PLEKHA2: variants seen among roughly 807,000 people sequenced by gnomAD.
PLEKHA2 encodes the protein pleckstrin homology domain-containing family A member 2.
In PLEKHA2, 28 loss-of-function variants were observed where a neutral mutation model predicts 53.2. The observed-to-expected ratio is 0.53, with a 90% confidence interval of 0.39 to 0.72. The LOEUF is 0.72. PLEKHA2 is among the 30% of genes least tolerant of loss of function. The pLI is 0.00. For synonymous variants in PLEKHA2, 193 were observed against 196.4 expected, an observed-to-expected ratio of 0.98 and a Z score of 0.14; for missense variants, 426 against 537.9, an observed-to-expected ratio of 0.79 and a Z score of 2.06.
At position 38,969,507 on chromosome 8, in the gene PLEKHA2, G is replaced by A. The variant is rs373488981; in HGVS notation, c.1002G>A (p.Gly334=). The change falls in exon 12 of 12, where the codon GGG becomes GGA. Residue 334 remains glycine (G), a synonymous_variant. Transcript: ENST00000617275. ...SSGPNSILCR[G]RPPLEEKKAL... Reference sequence around the variant, plus strand: ...GGCCCAACTCTATCCTGTGCAGGGGGCGGCCACCTTTGGAGGAAAAGAAAG... The same window carrying A: ...GGCCCAACTCTATCCTGTGCAGGGGACGGCCACCTTTGGAGGAAAAGAAAG... 5.6e-6 allele frequency: 9 copies of A among 1,613,654 alleles called. No homozygotes were observed. Among genetic ancestry groups the A allele is most frequent in the Middle Eastern group, 1.6e-4 (1 of 6,082 alleles).
intron 5 of PLEKHA2, chr8:38,950,572 C>T (rs1564143729): frequency 6.2e-6 from 2 of 320,674 alleles, no homozygotes; most frequent in Non-Finnish European, 1.1e-5. Context: ...GTGTGTTTCG[C>T]TTGACACTTT....
intron 10 of PLEKHA2, among the ~76,000 whole-genome samples, chr8:38,968,201 C>T (rs936047455): frequency 7.2e-5 from 11 of 152,086 alleles, no homozygotes; most frequent in African/African-American, 2.4e-4. Context: ...GAGGAGAACT[C>T]GAATCTCTAC....
Position 38,955,645 on chromosome 8 carries a change from T to C in PLEKHA2, c.774-1678T>C, listed in dbSNP as rs1407933306. Among the ~76,000 whole-genome samples the C allele has an allele frequency of 2.6e-5, 4 of 152,192 alleles. No homozygotes were observed. The South Asian group carries it at 6.2e-4, about 24-fold the overall frequency. On this transcript the variant is annotated intron_variant, in intron 9 of 11. Coordinates refer to ENST00000617275, the MANE Select transcript of PLEKHA2 (RefSeq NM_021623.2). Reference sequence around the variant, plus strand: ...CTATCCTGTTGTTCTTGCTCATGGATCTCTGGTCTCATGCACTCCTTTGCC... The same window carrying C: ...CTATCCTGTTGTTCTTGCTCATGGACCTCTGGTCTCATGCACTCCTTTGCC...
chr8:38,960,389 G>A (rs1458969666), intron 10 of PLEKHA2, among the ~76,000 whole-genome samples: 2 of 152,178 alleles, frequency 1.3e-5, no homozygotes, highest in African/African-American at 4.8e-5. Flanking sequence ...TGAGGCAGGA[G>A]GAGAGTTTGA....
At chr8:38,944,673 C>T (rs558334029) in intron 4 of PLEKHA2, among the ~76,000 whole-genome samples, 17 of 151,974 alleles carry the variant, frequency 1.1e-4, no homozygotes, top group East Asian at 7.7e-4. Context: ...CATGAGAAAC[C>T]GCCCCCACGA....
At chr8:38,902,220 T>G (rs28591164) in intron 1 of PLEKHA2, among the ~76,000 whole-genome samples, 59,268 of 96,272 alleles carry the variant, frequency 0.62, 15,276 homozygotes, top group Admixed American at 0.69. Context: ...AAGAAGGGTG[T>G]GGGGGGGGGT....
At chr8:38,966,586 C>T (rs1835140152) in intron 10 of PLEKHA2, among the ~76,000 whole-genome samples, 6 of 152,208 alleles carry the variant, frequency 3.9e-5, no homozygotes, top group Admixed American at 3.9e-4. Flanking sequence ...AGGGCACTGA[C>T]AGGCTCCACC....
rs370649071 is a variant in PLEKHA2 at position 38,957,256 on chromosome 8, T to C, written c.774-67T>C. The C allele has an allele frequency of 1.9e-3, 2,504 of 1,320,744 alleles. 39 individuals carry two copies. In the African/African-American group the frequency reaches 0.032, roughly 17 times the overall value. The allele number at this position is 1,320,744 out of a possible 1,614,324, so 81.8% of individuals were successfully genotyped here. Reference sequence around the variant, plus strand: ...TTTATGGTAGAGGGCACTGGGGTCTTAGGACATATCGAGTCCTCTCTGAGT... The same window carrying C: ...TTTATGGTAGAGGGCACTGGGGTCTCAGGACATATCGAGTCCTCTCTGAGT... On this transcript the variant is annotated intron_variant, in intron 9 of 11. Transcript: ENST00000617275.
At chr8:38,962,231 C>CTA (rs1206829454) in intron 10 of PLEKHA2, among the ~76,000 whole-genome samples, 1 of 152,050 alleles carries the variant, frequency 6.6e-6, no homozygotes. Context: ...GCTCACACCT[C>CTA]TAATCCCAGC....
At chr8:38,935,966 C>G (rs1299414076) in intron 2 of PLEKHA2, 28 bp from the exon 3 acceptor site, 2 of 1,610,922 alleles carry the variant, frequency 1.2e-6, no homozygotes, top group African/African-American at 2.7e-5. Flanking sequence ...CCACAGCCTT[C>G]TTAAAATGAA....
chr8:38,969,842 G>A lies in PLEKHA2; in HGVS notation c.*59G>A, dbSNP rs183424418. The stretch of plus-strand genomic sequence containing the variant: ...GGAGGACTTGAGAGAAGGAGGCTGT[G>A]ACTCAGTTTCTCTACCTTGTTGGAG... On this transcript the variant is annotated 3_prime_UTR_variant, in exon 12 of 12. Coordinates refer to ENST00000617275, the MANE Select transcript of PLEKHA2 (RefSeq NM_021623.2). The A allele has an allele frequency of 3.3e-5, 51 of 1,536,610 alleles. No individual in the cohort carries two copies. In the Admixed American group the frequency reaches 1.1e-3, roughly 33 times the overall value.
chr8:38,903,229 A>G (rs980841824), intron 1 of PLEKHA2, among the ~76,000 whole-genome samples: 5 of 152,196 alleles, frequency 3.3e-5, no homozygotes, highest in Non-Finnish European at 5.9e-5. Flanking sequence ...CTGTTTGTAC[A>G]TTACAGCATG....
intron 2 of PLEKHA2, among the ~76,000 whole-genome samples, chr8:38,926,891 G>A (rs1457799704): frequency 6.6e-6 from 1 of 152,062 alleles, no homozygotes; most frequent in Non-Finnish European, 1.5e-5. Context: ...CTCTAGCCTG[G>A]GTAACAAGAG....
intron 5 of PLEKHA2, 133 bp downstream of exon 5, chr8:38,946,354 C>G: frequency 1.4e-6 from 1 of 694,074 alleles, no homozygotes; most frequent in East Asian, 2.8e-5. Flanking sequence ...CCAGTTCTCT[C>G]CCACCTCGTC....
chr8:38,950,561 C>T (rs72638521), intron 5 of PLEKHA2: 60,380 of 284,352 alleles, frequency 0.21, 7,102 homozygotes, highest in African/African-American at 0.23. Context: ...TGGGGACCCA[C>T]GTGTGTTTCG....
chr8:38,902,379 T>C (rs1445048531), intron 1 of PLEKHA2, among the ~76,000 whole-genome samples: 2 of 152,120 alleles, frequency 1.3e-5, no homozygotes, highest in Non-Finnish European at 1.5e-5. Context: ...GCTTCCTTCC[T>C]TCTTGGTGAA....
chr8:38,907,743 A>G (rs1351092767), intron 1 of PLEKHA2, among the ~76,000 whole-genome samples: 1 of 141,154 alleles, frequency 7.1e-6, no homozygotes, highest in Non-Finnish European at 1.5e-5. Flanking sequence ...ACTGGGAGAC[A>G]GAGTGAGACC....
At chr8:38,930,605 T>G (rs1430607195) in intron 2 of PLEKHA2, among the ~76,000 whole-genome samples, 1 of 152,218 alleles carries the variant, frequency 6.6e-6, no homozygotes, top group African/African-American at 2.4e-5. Context: ...ACTTGTAGAC[T>G]TCCTCTCGTG....
Position 38,918,071 on chromosome 8 carries a change from G to A in PLEKHA2, c.141+1G>A. On this transcript the variant is annotated splice_donor_variant, in intron 2 of 11. Coordinates refer to ENST00000617275, the MANE Select transcript of PLEKHA2 (RefSeq NM_021623.2). LOFTEE classifies it high-confidence loss of function. ...CCTCTGGTATATGGACAACCCCCAGGTGAGAGGGTCAGTGGGAAGGGGTGG... is the reference window on the plus strand; with the variant it reads ...CCTCTGGTATATGGACAACCCCCAGATGAGAGGGTCAGTGGGAAGGGGTGG... 1.2e-6 allele frequency: 2 copies of A among 1,612,346 alleles called. No homozygotes were observed. The highest frequency in any genetic ancestry group is 1.7e-6 in the Non-Finnish European group (2 of 1,179,152).
Sources: gnomAD v4.1 joint callset for allele counts (sites outside exome capture counted in the v4.1 genomes callset) on GRCh38, gnomAD v4.1.1 for gene constraint, MANE v1.5 for transcripts, NCBI Gene and HGNC (gene_info 2026-07-23, HGNC 2026-07-21) for gene names.